The following ERBB4 variants were observed in gnomAD, a reference collection of about 807,000 sequenced individuals.
The protein encoded by ERBB4 is receptor tyrosine-protein kinase erbB-4.
A neutral mutation model predicts 158.0 loss-of-function variants in ERBB4; 42 were observed. The ratio of observed to expected loss-of-function variants is 0.27; its 90% CI spans 0.21 to 0.34. The LOEUF (loss-of-function observed/expected upper bound fraction) is 0.34, where lower values mean the gene tolerates loss of function less well. Among genes scored for constraint, ERBB4 ranks in the 10% least tolerant of loss-of-function variants. The pLI is 1.00. For missense variants in ERBB4, 1,333 were observed against 1,624.1 expected (o/e 0.82, Z 3.08); for synonymous variants, 583 against 558.7 (o/e 1.04, Z -0.61).
chr2:212,239,733 T>C (rs2084012667), intron 1 of ERBB4, among the ~76,000 whole-genome samples: 1 of 152,204 alleles, frequency 6.6e-6, no homozygotes, highest in Admixed American at 6.5e-5. Flanking sequence ...TTTGTAATGA[T>C]AATGTGGTAT....
intron 20 of ERBB4, among the ~76,000 whole-genome samples, chr2:211,545,495 T>C (rs751842830): frequency 2.2e-4 from 33 of 152,098 alleles, no homozygotes; most frequent in Non-Finnish European, 4.4e-4. Context: ...TAAATCTTAA[T>C]ATGTACCACA....
chr2:212,450,574 A>G (rs1176801384), intron 1 of ERBB4, among the ~76,000 whole-genome samples: 1 of 151,726 alleles, frequency 6.6e-6, no homozygotes, highest in East Asian at 1.9e-4. Context: ...AGTTCTGCTG[A>G]CTCCTTGATT....
intron 2 of ERBB4, among the ~76,000 whole-genome samples, chr2:211,967,430 T>C (rs938733958): frequency 2.6e-5 from 4 of 152,100 alleles, no homozygotes; most frequent in African/African-American, 4.8e-5. Flanking sequence ...CAGCAAATTA[T>C]GATGCAATCA....
chr2:211,746,588 G>A, intron 5 of ERBB4, among the ~76,000 whole-genome samples: 1 of 152,072 alleles, frequency 6.6e-6, no homozygotes, highest in East Asian at 1.9e-4. Context: ...TAGCACTTTG[G>A]GAGGCCGAGG....
intron 16 of ERBB4, among the ~76,000 whole-genome samples, chr2:211,654,922 A>G (rs868219385): frequency 3.3e-5 from 5 of 152,296 alleles, no homozygotes; most frequent in Middle Eastern, 3.4e-3. Flanking sequence ...TTTTAGTCTG[A>G]GATTACTGGA....
intron 1 of ERBB4, among the ~76,000 whole-genome samples, chr2:212,342,738 T>C (rs2088782922): frequency 6.6e-6 from 1 of 152,218 alleles, no homozygotes; most frequent in African/African-American, 2.4e-5. Context: ...TTTACAACTT[T>C]ACTAGACTTC....
At chr2:212,190,281 A>G (rs2082146399) in intron 1 of ERBB4, among the ~76,000 whole-genome samples, 1 of 152,212 alleles carries the variant, frequency 6.6e-6, no homozygotes, top group Non-Finnish European at 1.5e-5. Flanking sequence ...TCAAGCCTGT[A>G]ATCCCAGCAC....
At chr2:212,418,390 C>A (rs1478147576) in intron 1 of ERBB4, among the ~76,000 whole-genome samples, 2 of 151,546 alleles carry the variant, frequency 1.3e-5, no homozygotes, top group Non-Finnish European at 2.9e-5. Context: ...TAAATATATC[C>A]TTTAGAGTAG....
Position 211,513,369 on chromosome 2 carries a change from AAAAAAAAC to A in ERBB4, c.2487+48526_2487+48533del, listed in dbSNP as rs1216212274. Among the ~76,000 whole-genome samples, 795 of 135,976 alleles carry A rather than the reference AAAAAAAAC, an allele frequency of 5.8e-3. 19 individuals are homozygous for A. The highest frequency in any genetic ancestry group is 0.024 in the African/African-American group (759 of 31,202). The allele number at this position is 135,976 out of a possible 152,430, so 89.2% of individuals were successfully genotyped here. A position where few individuals can be genotyped will look rare whatever the true frequency, so the allele number is the denominator to read the frequency against. On this transcript the variant is annotated intron_variant, in intron 20 of 27. Transcript: ENST00000342788. Reference sequence around the variant, plus strand: ...CGAGACTCCGTCTCAAAAAAAAAAAAAAAAAAACAAAAAAAAAACACTGATCCTAGAAG... The same window carrying A: ...CGAGACTCCGTCTCAAAAAAAAAAAAAAAAAAAAAACACTGATCCTAGAAG...
rs532975488 is a variant in ERBB4, at chr2:211,572,253, G to A, written c.2302-10165C>T. The stretch of plus-strand genomic sequence containing the variant: ...ACAACATAGAGTCGTAACATTGCAC[G>A]TACTCAATAAACACATGTTGAATTA... On this transcript the variant is annotated intron_variant, in intron 19 of 27. Transcript: ENST00000342788. Among the ~76,000 whole-genome samples the A allele has an allele frequency of 4.1e-4, 62 of 152,182 alleles. 1 individual carries two copies. The highest frequency in any genetic ancestry group is 1.4e-3 in the African/African-American group (59 of 41,516).
chr2:212,001,565 T>C (rs1414903145), intron 2 of ERBB4, among the ~76,000 whole-genome samples: 1 of 152,184 alleles, frequency 6.6e-6, no homozygotes, highest in African/African-American at 2.4e-5. Context: ...TAAACTGCCA[T>C]TAGTGGAATC....
At chr2:211,957,369 T>C (rs936856124) in intron 2 of ERBB4, among the ~76,000 whole-genome samples, 12 of 152,046 alleles carry the variant, frequency 7.9e-5, no homozygotes, top group African/African-American at 2.7e-4. Flanking sequence ...GAGAGAGATC[T>C]CAGAAGAAAC....
At chr2:212,054,893 T>G (rs1264679617) in intron 2 of ERBB4, among the ~76,000 whole-genome samples, 1 of 152,090 alleles carries the variant, frequency 6.6e-6, no homozygotes, top group Admixed American at 6.5e-5. Context: ...AGATGGGTGA[T>G]TTCTGCATTT....
intron 1 of ERBB4, among the ~76,000 whole-genome samples, chr2:212,253,784 T>G (rs2106058395): frequency 6.6e-6 from 1 of 152,320 alleles, no homozygotes; most frequent in African/African-American, 2.4e-5. Context: ...GGATATGTTC[T>G]GAAAAATGTA....
At chr2:211,460,815 T>C (rs1337275227) in intron 20 of ERBB4, among the ~76,000 whole-genome samples, 1 of 152,174 alleles carries the variant, frequency 6.6e-6, no homozygotes, top group Non-Finnish European at 1.5e-5. Flanking sequence ...ATTTTATAGC[T>C]AGAACAGATC....
chr2:212,252,154 T>C (rs1468820386), intron 1 of ERBB4, among the ~76,000 whole-genome samples: 1 of 152,084 alleles, frequency 6.6e-6, no homozygotes, highest in Non-Finnish European at 1.5e-5. Flanking sequence ...CTATTTGCAA[T>C]TTACTGCGAT....
chr2:212,109,007 T>C (rs2079317442), intron 2 of ERBB4, among the ~76,000 whole-genome samples: 1 of 152,064 alleles, frequency 6.6e-6, no homozygotes, highest in Admixed American at 6.6e-5. Flanking sequence ...ATTCAAGTCC[T>C]CACTTCTCCC....
chr2:212,379,038 T>C (rs1483637186), intron 1 of ERBB4, among the ~76,000 whole-genome samples: 1 of 151,120 alleles, frequency 6.6e-6, no homozygotes, highest in Non-Finnish European at 1.5e-5. Context: ...CAAAGTCCAC[T>C]TTCATTTACC....
At chr2:212,092,018 C>A (rs1355464228) in intron 2 of ERBB4, among the ~76,000 whole-genome samples, 5 of 152,098 alleles carry the variant, frequency 3.3e-5, no homozygotes, top group African/African-American at 1.2e-4. Context: ...TGATATGTCT[C>A]CAGTTCCACT....
Sources: allele counts gnomAD v4.1 joint callset (sites outside exome capture counted in the v4.1 genomes callset), GRCh38; gene constraint gnomAD v4.1.1; transcripts MANE v1.5; gene names NCBI Gene and HGNC (gene_info 2026-07-23, HGNC 2026-07-21).